Variants in CNBD1 observed in about 807,000 individuals in gnomAD.
The protein encoded by CNBD1 is cyclic nucleotide binding domain containing 1.
CNBD1 carries 71 observed loss-of-function variants against 54.4 expected under a neutral mutation model. The observed-to-expected ratio is 1.30, with a 90% CI of 1.08 to 1.59. The LOEUF (loss-of-function observed/expected upper bound fraction) is 1.59. Among genes scored for constraint, CNBD1 ranks in the 40% most tolerant of loss-of-function variants. The probability of loss-of-function intolerance (pLI) is 0.00; values close to 1 mark genes in which losing one functional copy is unlikely to be tolerated. For synonymous variants in CNBD1, 182 were observed against 170.7 expected (o/e 1.07, Z -0.51); for missense variants, 659 against 518.0 (o/e 1.27, Z -2.64).
At chr8:86,969,816 AC>A (rs1808179742) in intron 4 of CNBD1, among the ~76,000 whole-genome samples, 1 of 151,164 alleles carries the variant, frequency 6.6e-6, no homozygotes, top group Non-Finnish European at 1.5e-5. Context: ...ACACACACAC[AC>A]ACACATATAT....
chr8:86,874,821 C>T (rs935287147), intron 1 of CNBD1, among the ~76,000 whole-genome samples: 5 of 151,264 alleles, frequency 3.3e-5, no homozygotes, highest in African/African-American at 1.2e-4. Flanking sequence ...TTGTCTTATC[C>T]CTGGAATCAG....
At chr8:87,187,597 A>G (rs987006400) in intron 4 of CNBD1, among the ~76,000 whole-genome samples, 2 of 152,132 alleles carry the variant, frequency 1.3e-5, no homozygotes, top group African/African-American at 4.8e-5. Context: ...CAATCCTGAC[A>G]AAGAAAGCCC....
intron 4 of CNBD1, among the ~76,000 whole-genome samples, chr8:87,115,317 C>T (rs974800066): frequency 1.1e-4 from 16 of 152,152 alleles, no homozygotes; most frequent in East Asian, 3.8e-4. Context: ...AAAACCATTT[C>T]GAACAGTAAT....
chr8:87,103,730 G>A (rs1811477900), intron 4 of CNBD1, among the ~76,000 whole-genome samples: 1 of 152,164 alleles, frequency 6.6e-6, no homozygotes, highest in Admixed American at 6.5e-5. Context: ...CACGACACAT[G>A]GGGATTATGG....
intron 10 of CNBD1, among the ~76,000 whole-genome samples, chr8:87,364,977 G>C (rs999785543): frequency 3.3e-5 from 5 of 151,992 alleles, no homozygotes; most frequent in African/African-American, 9.7e-5. Flanking sequence ...CTTTATAATA[G>C]AACTATTCAT....
chr8:87,164,539 G>T (rs1442177288), intron 4 of CNBD1, among the ~76,000 whole-genome samples: 3 of 151,454 alleles, frequency 2.0e-5, no homozygotes, highest in Non-Finnish European at 4.4e-5. Context: ...TATTTTTCTA[G>T]AAATGTATCC....
chr8:86,929,658 A>C (rs1441504853), intron 3 of CNBD1, among the ~76,000 whole-genome samples: 1 of 152,216 alleles, frequency 6.6e-6, no homozygotes, highest in Admixed American at 6.5e-5. Context: ...AATTTGAAGC[A>C]TCAGTCCCTC....
At chr8:86,887,929 C>T (rs1023582701) in intron 2 of CNBD1, among the ~76,000 whole-genome samples, 5 of 152,090 alleles carry the variant, frequency 3.3e-5, no homozygotes. Flanking sequence ...AAATAAGTAC[C>T]TGAGCAGTGA....
intron 1 of CNBD1, among the ~76,000 whole-genome samples, chr8:86,870,256 T>C (rs1313813082): frequency 6.8e-6 from 1 of 146,916 alleles, no homozygotes; most frequent in Non-Finnish European, 1.5e-5. Context: ...TGGCGTGATT[T>C]CATTTCACTG....
chr8:87,374,325 G>C (rs1165624863), intron 10 of CNBD1, among the ~76,000 whole-genome samples: 2 of 151,766 alleles, frequency 1.3e-5, no homozygotes, highest in East Asian at 3.9e-4. Flanking sequence ...CAATTTTTAG[G>C]AAGCCTGTAA....
intron 8 of CNBD1, among the ~76,000 whole-genome samples, chr8:87,325,670 A>G (rs547558124): frequency 0.085 from 11,693 of 137,014 alleles, 857 homozygotes; most frequent in Non-Finnish European, 0.13. Context: ...ATCTTCCTCC[A>G]TCCTTTTATT....
At chr8:87,321,473 T>A (rs919114979) in intron 8 of CNBD1, among the ~76,000 whole-genome samples, 1 of 152,204 alleles carries the variant, frequency 6.6e-6, no homozygotes, top group African/African-American at 2.4e-5. Flanking sequence ...TTCTTATACC[T>A]GTTCTACATT....
chr8:87,058,700 C>T (rs1036720749), intron 4 of CNBD1, among the ~76,000 whole-genome samples: 2 of 152,124 alleles, frequency 1.3e-5, no homozygotes, highest in African/African-American at 4.8e-5. Context: ...GATATGCAGT[C>T]CCAAGGCTGC....
At chr8:87,253,927 T>A (rs1321956690) in intron 6 of CNBD1, among the ~76,000 whole-genome samples, 1 of 152,188 alleles carries the variant, frequency 6.6e-6, no homozygotes, top group East Asian at 1.9e-4. Flanking sequence ...GGATGAAATT[T>A]GAGTCACTAG....
intron 8 of CNBD1, among the ~76,000 whole-genome samples, chr8:87,318,792 C>T (rs1408186591): frequency 6.6e-6 from 1 of 151,972 alleles, no homozygotes; most frequent in Non-Finnish European, 1.5e-5. Context: ...ACCAGGCAGA[C>T]CCTCAGTCAG....
At chr8:87,167,147 T>C (rs899600543) in intron 4 of CNBD1, among the ~76,000 whole-genome samples, 5 of 152,004 alleles carry the variant, frequency 3.3e-5, no homozygotes, top group African/African-American at 1.2e-4. Flanking sequence ...TGCCTACCCT[T>C]TCAAATTTTT....
Position 87,411,467 on chromosome 8 carries a change from C to T in CNBD1, c.214-17079C>T, listed in dbSNP as rs1233948482. Among the ~76,000 whole-genome samples, 22 of 135,364 alleles carry T rather than the reference C, an allele frequency of 1.6e-4. No individual in the cohort carries two copies. The Admixed American group carries it at 1.7e-3, about 10-fold the overall frequency. The allele number at this position is 135,364 out of a possible 152,430, so 88.8% of individuals were successfully genotyped here. On this transcript the variant is annotated intron_variant, in intron 2 of 7. Transcript: ENST00000521593. ...TTTTTAAAAACTCATTCTACATTAT[C>T]CTCCAAACATTGTATTATTGCCAAA...
chr8:86,945,196 G>A (rs1374990481), intron 4 of CNBD1, among the ~76,000 whole-genome samples: 2 of 152,180 alleles, frequency 1.3e-5, no homozygotes, highest in South Asian at 2.1e-4. Flanking sequence ...TGTGGAAAGG[G>A]TAGGAGAAGA....
intron 4 of CNBD1, among the ~76,000 whole-genome samples, chr8:87,137,938 A>G (rs1563483347): frequency 6.6e-6 from 1 of 152,114 alleles, no homozygotes; most frequent in African/African-American, 2.4e-5. Flanking sequence ...ATGATTCTTC[A>G]TTTTGTTCTT....
Sources: allele counts gnomAD v4.1 joint callset (sites outside exome capture counted in the v4.1 genomes callset), GRCh38; gene constraint gnomAD v4.1.1; transcripts MANE v1.5; gene names NCBI Gene and HGNC (gene_info 2026-07-23, HGNC 2026-07-21).